The following CATSPERT variants were observed in gnomAD, a reference collection of about 807,000 sequenced individuals.
The protein encoded by CATSPERT is cation channel sperm-associated targeting subunit tau.
the CATSPERT span, chr2:201,534,601 A>G: frequency 5.1e-6 from 5 of 985,380 alleles, no homozygotes; most frequent in Non-Finnish European, 6.0e-6. Flanking sequence ...GGGAAAACCA[A>G]AATGACTAAT....
chr2:201,547,323 T>C, the CATSPERT span, among the ~76,000 whole-genome samples: 2 of 152,142 alleles, frequency 1.3e-5, no homozygotes, highest in Non-Finnish European at 2.9e-5. Context: ...TATTAAACCC[T>C]ATAAATTATC....
At chr2:201,604,772 T>C in the CATSPERT span, 4 of 1,090,420 alleles carry the variant, frequency 3.7e-6, no homozygotes, top group East Asian at 5.2e-5. Flanking sequence ...TCAATAATTA[T>C]TGTATGAATC....
chr2:201,521,938 C>A, the CATSPERT span, among the ~76,000 whole-genome samples: 1 of 152,082 alleles, frequency 6.6e-6, no homozygotes, highest in Non-Finnish European at 1.5e-5. Flanking sequence ...AATTCAACAT[C>A]CCTTTATGAT....
At chr2:201,494,845 T>C in the CATSPERT span, 5 of 1,330,972 alleles carry the variant, frequency 3.8e-6, no homozygotes, top group Non-Finnish European at 4.9e-6. Context: ...CCTTGAGCAA[T>C]CTGTCAATGT....
At chr2:201,504,633 C>T in the CATSPERT span, among the ~76,000 whole-genome samples, 163 of 152,316 alleles carry the variant, frequency 1.1e-3, 1 homozygote, top group South Asian at 6.6e-3. Flanking sequence ...CTTCTCATGA[C>T]CCAGGGACTG....
the CATSPERT span, among the ~76,000 whole-genome samples, chr2:201,563,024 T>C: frequency 2.6e-5 from 4 of 151,156 alleles, no homozygotes; most frequent in South Asian, 6.3e-4. Flanking sequence ...CTCAATGAGC[T>C]GTTGGGCACA....
chr2:201,534,623 A>AG, the CATSPERT span: 1 of 984,250 alleles, frequency 1.0e-6, no homozygotes, highest in East Asian at 1.1e-4. Context: ...AGCAAAAAAA[A>AG]GTGTTAATCA....
chr2:201,556,319 C>T, the CATSPERT span, among the ~76,000 whole-genome samples: 1 of 151,850 alleles, frequency 6.6e-6, no homozygotes, highest in African/African-American at 2.4e-5. Context: ...ACCATCCTGG[C>T]TAACACGGTG....
chr2:201,591,635 T>C, the CATSPERT span, among the ~76,000 whole-genome samples: 1 of 152,358 alleles, frequency 6.6e-6, no homozygotes, highest in South Asian at 2.1e-4. Flanking sequence ...TATTCTTCCA[T>C]TTGTTTGTAT....
chr2:201,557,351 C>T, the CATSPERT span: 1 of 152,180 alleles, frequency 6.6e-6, no homozygotes, highest in African/African-American at 2.4e-5. Context: ...GATGATACAG[C>T]AGAGGGGATG....
At chr2:201,498,886 T>A in the CATSPERT span, among the ~76,000 whole-genome samples, 1 of 151,156 alleles carries the variant, frequency 6.6e-6, no homozygotes, top group Non-Finnish European at 1.5e-5. Flanking sequence ...AGATATAAGT[T>A]TTGGGCCTTG....
chr2:201,541,531 TTATATA>T, the CATSPERT span, among the ~76,000 whole-genome samples: 1,683 of 92,496 alleles, frequency 0.018, 25 homozygotes, highest in African/African-American at 0.022. Flanking sequence ...TCAGATGATT[TTATATA>T]TATATATATA....
At chr2:201,526,171 CAAT>C in the CATSPERT span, among the ~76,000 whole-genome samples, 7 of 152,082 alleles carry the variant, frequency 4.6e-5, no homozygotes, top group African/African-American at 1.7e-4. Flanking sequence ...ACAACAACAA[CAAT>C]TTCAGGTCAA....
the CATSPERT span, among the ~76,000 whole-genome samples, chr2:201,560,305 T>A: frequency 1.3e-5 from 2 of 151,942 alleles, no homozygotes; most frequent in East Asian, 3.9e-4. Flanking sequence ...ACATCTGTAA[T>A]TCCAGCTACT....
the CATSPERT span, among the ~76,000 whole-genome samples, chr2:201,560,897 C>T: frequency 6.6e-6 from 1 of 152,098 alleles, no homozygotes; most frequent in Non-Finnish European, 1.5e-5. Context: ...ATTCTCCTGC[C>T]TCAGGCTCCT....
the CATSPERT span, among the ~76,000 whole-genome samples, chr2:201,548,585 G>C: frequency 1.3e-5 from 2 of 151,850 alleles, no homozygotes; most frequent in South Asian, 4.2e-4. Flanking sequence ...GTGAAAAAAA[G>C]GATGTATCTT....
the CATSPERT span, among the ~76,000 whole-genome samples, chr2:201,490,074 C>T: frequency 1.3e-5 from 2 of 152,126 alleles, no homozygotes; most frequent in Admixed American, 6.5e-5. Flanking sequence ...CCAGGCTGGT[C>T]TCAAATTCCT....
At chr2:201,614,279 G>A in the CATSPERT span, among the ~76,000 whole-genome samples, 2,586 of 152,260 alleles carry the variant, frequency 0.017, 67 homozygotes, top group African/African-American at 0.054. Context: ...AAGTTGAAAA[G>A]TAGGAAAAAA....
At chr2:201,618,277 C>T in the CATSPERT span, among the ~76,000 whole-genome samples, 1 of 152,148 alleles carries the variant, frequency 6.6e-6, no homozygotes, top group Non-Finnish European at 1.5e-5. Flanking sequence ...TATTATGGCA[C>T]TATTCACAAT....
Sources: gnomAD v4.1 joint callset for allele counts (sites outside exome capture counted in the v4.1 genomes callset) on GRCh38, gnomAD v4.1.1 for gene constraint, MANE v1.5 for transcripts, NCBI Gene and HGNC (gene_info 2026-07-23, HGNC 2026-07-21) for gene names.